Variants in CCNJL observed in about 807,000 individuals in gnomAD.
CCNJL encodes cyclin J like, also known as cyclin-J-like protein.
In CCNJL, 33 loss-of-function variants were observed where a neutral mutation model predicts 33.4. The observed-to-expected ratio is 0.99, with a 90% confidence interval of 0.75 to 1.32. CCNJL has a LOEUF of 1.32. Among genes scored for constraint, CCNJL ranks in the 40% most tolerant of loss-of-function variants. The probability of loss-of-function intolerance (pLI) is 0.00; values close to 1 mark genes in which losing one functional copy is unlikely to be tolerated. For missense variants in CCNJL, 512 were observed against 499.7 expected (o/e 1.02, Z -0.23); for synonymous variants, 227 against 220.9 (o/e 1.03, Z -0.24).
chr5:160,328,033 T>C (rs138637127), intron 1 of CCNJL, among the ~76,000 whole-genome samples: 368 of 152,304 alleles, frequency 2.4e-3, no homozygotes, highest in Middle Eastern at 0.01. Context: ...ATGCCCCGGC[T>C]AGAGGATGAA....
intron 2 of CCNJL, among the ~76,000 whole-genome samples, chr5:160,304,534 A>G (rs1763030154): frequency 6.6e-6 from 1 of 150,702 alleles, no homozygotes; most frequent in Non-Finnish European, 1.5e-5. Context: ...AACATAAGAT[A>G]GCCCTGCCAT....
chr5:160,291,090 G>T (rs1375347801), intron 2 of CCNJL, among the ~76,000 whole-genome samples: 1 of 123,226 alleles, frequency 8.1e-6, no homozygotes, highest in African/African-American at 3.1e-5. Flanking sequence ...AAGAAAGAAA[G>T]AAAAGAAAGT....
intron 1 of CCNJL, among the ~76,000 whole-genome samples, chr5:160,332,666 T>C (rs993251303): frequency 2.0e-5 from 3 of 152,180 alleles, no homozygotes; most frequent in Non-Finnish European, 4.4e-5. Context: ...CAGCCCCACA[T>C]ATCTGTACAG....
intron 3 of CCNJL, among the ~76,000 whole-genome samples, chr5:160,265,617 A>G (rs12655174): frequency 0.095 from 14,464 of 151,702 alleles, 1,140 homozygotes; most frequent in African/African-American, 0.21. Context: ...CCTGGGCAAC[A>G]GAGTGAGACT....
At chr5:160,326,668 G>C (rs1763540173) in intron 1 of CCNJL, 2 of 796,022 alleles carry the variant, frequency 2.5e-6, no homozygotes, top group Non-Finnish European at 2.2e-6. Context: ...TCAGCGGGTG[G>C]GTGTGCTCTT....
chr5:160,325,980 A>C (rs902904627), intron 1 of CCNJL, among the ~76,000 whole-genome samples: 8 of 152,182 alleles, frequency 5.3e-5, no homozygotes, highest in Middle Eastern at 3.2e-3. Context: ...CCTATTTGCT[A>C]TCCAGCCCTT....
intron 2 of CCNJL, among the ~76,000 whole-genome samples, chr5:160,301,428 G>A (rs1762917459): frequency 6.6e-6 from 1 of 151,178 alleles, no homozygotes; most frequent in African/African-American, 2.4e-5. Context: ...TGATGGCAAT[G>A]GCCTATGTCT....
At chr5:160,258,458 T>C in intron 4 of CCNJL, 5 of 1,132,172 alleles carry the variant, frequency 4.4e-6, no homozygotes, top group African/African-American at 1.5e-5. Context: ...GCACTGGACC[T>C]GTCCATGAAG....
chr5:160,253,332 CCTCTGCCCACAT>C lies in CCNJL; in HGVS notation c.*34_*45del. ...GAGCTCTCCTCTTCAGTGTCCTCTT[CCTCTGCCCACAT>C]CTCCAAGGCTTCCTCGTGAGGTCTG... On this transcript the variant is annotated 3_prime_UTR_variant, in exon 6 of 6. Coordinates refer to ENST00000257536, the MANE Select transcript of CCNJL (RefSeq NM_001308173.3). The C allele has an allele frequency of 6.5e-7, 1 of 1,527,686 alleles. No homozygotes were observed. The highest frequency in any genetic ancestry group is 1.3e-5 in the South Asian group (1 of 78,098). The allele number at this position is 1,527,686 out of a possible 1,614,324, so 94.6% of individuals were successfully genotyped here. A position where few individuals can be genotyped will look rare whatever the true frequency, so the allele number is the denominator to read the frequency against.
Position 160,253,211 on chromosome 5 carries a change from G to C in CCNJL, c.*167C>G. The C allele has an allele frequency of 1.8e-6, 1 of 554,830 alleles. No individual in the cohort carries two copies. Among genetic ancestry groups the C allele is most frequent in the African/African-American group, 1.9e-5 (1 of 52,832 alleles). The allele number at this position is 554,830 out of a possible 1,614,324, so 34.4% of individuals were successfully genotyped here. On this transcript the variant is annotated 3_prime_UTR_variant, in exon 6 of 6. Coordinates refer to ENST00000257536, the MANE Select transcript of CCNJL (RefSeq NM_001308173.3). The stretch of plus-strand genomic sequence containing the variant: ...ATGCTCTCGGGTGAGGTATGTTATT[G>C]AATGTTTTGCTCTGGGTCAGTTTTA...
intron 4 of CCNJL, among the ~76,000 whole-genome samples, chr5:160,258,065 T>C (rs1036017002): frequency 6.6e-6 from 1 of 151,946 alleles, no homozygotes; most frequent in East Asian, 1.9e-4. Flanking sequence ...AGGCTGGTCT[T>C]GAACTCCTGA....
At chr5:160,269,701 T>C (rs1387800543) in intron 3 of CCNJL, among the ~76,000 whole-genome samples, 3 of 152,156 alleles carry the variant, frequency 2.0e-5, no homozygotes, top group Non-Finnish European at 4.4e-5. Context: ...CAGAAGGAAG[T>C]GTGCCCAGGA....
At position 160,250,060 on chromosome 5, in the gene CCNJL, T is replaced by C. The variant is rs867462025; in HGVS notation, c.*3318A>G. The C allele has an allele frequency of 1.3e-5, 2 of 152,090 alleles. No individual in the cohort carries two copies. Among genetic ancestry groups the C allele is most frequent in the African/African-American group, 2.4e-5 (1 of 41,426 alleles). 9.4% of individuals were successfully genotyped at this position (152,090 alleles called of 1,614,324 possible). On this transcript the variant is annotated 3_prime_UTR_variant, in exon 6 of 6. Coordinates refer to ENST00000257536, the MANE Select transcript of CCNJL (RefSeq NM_001308173.3). ...ATCTTTGTGCTTTTTAAAGCTTTCATAGCTGTCCTCCAGCATGGGAATTAA... is the reference window on the plus strand; with the variant it reads ...ATCTTTGTGCTTTTTAAAGCTTTCACAGCTGTCCTCCAGCATGGGAATTAA...
At chr5:160,312,316 C>G (rs1348808888) in intron 1 of CCNJL, 48 bp downstream of exon 1, 1 of 282,166 alleles carries the variant, frequency 3.5e-6, no homozygotes, top group African/African-American at 2.3e-5. Flanking sequence ...CGCCGCCCAG[C>G]CTTTGTCCTG....
intron 2 of CCNJL, among the ~76,000 whole-genome samples, chr5:160,302,859 T>C (rs1420557769): frequency 6.6e-6 from 1 of 151,814 alleles, no homozygotes; most frequent in African/African-American, 2.4e-5. Context: ...AACATTAAAA[T>C]AATGAAATGG....
chr5:160,270,170 G>A (rs1284840310), intron 3 of CCNJL, among the ~76,000 whole-genome samples: 3 of 151,724 alleles, frequency 2.0e-5, no homozygotes, highest in Admixed American at 1.3e-4. Context: ...AAGTCTGGGC[G>A]CAGTGGCTCA....
intron 1 of CCNJL, among the ~76,000 whole-genome samples, chr5:160,319,274 C>T (rs990086717): frequency 3.9e-5 from 6 of 152,150 alleles, no homozygotes; most frequent in Non-Finnish European, 8.8e-5. Context: ...GGTCACCTCG[C>T]CCAGCCCATG....
At chr5:160,303,769 G>C (rs1268533392) in intron 2 of CCNJL, among the ~76,000 whole-genome samples, 2 of 151,658 alleles carry the variant, frequency 1.3e-5, no homozygotes, top group African/African-American at 4.8e-5. Flanking sequence ...GAAAAAGAGA[G>C]AACAGCAGAG....
chr5:160,310,896 G>A (rs377707822), intron 2 of CCNJL, among the ~76,000 whole-genome samples: 3 of 152,288 alleles, frequency 2.0e-5, no homozygotes, highest in East Asian at 1.9e-4. Flanking sequence ...CCTTTTGAGA[G>A]TCATGGCCCT....
Sources: gnomAD v4.1 joint callset for allele counts (sites outside exome capture counted in the v4.1 genomes callset) on GRCh38, gnomAD v4.1.1 for gene constraint, MANE v1.5 for transcripts, NCBI Gene and HGNC (gene_info 2026-07-23, HGNC 2026-07-21) for gene names.